PNKP: variants seen among roughly 807,000 people sequenced by gnomAD.
PNKP encodes the protein polynucleotide kinase 3'-phosphatase.
PNKP carries 82 observed loss-of-function variants against 66.2 expected under a neutral mutation model. The ratio of observed to expected loss-of-function variants is 1.24; its 90% CI spans 1.04 to 1.49. PNKP has a LOEUF of 1.49. PNKP is among the 40% of genes most tolerant of loss of function. PNKP has a pLI of 0.00. For missense variants in PNKP, 907 were observed against 706.8 expected, an observed-to-expected ratio of 1.28 and a Z score of -3.21; for synonymous variants, 412 against 298.9, an observed-to-expected ratio of 1.38 and a Z score of -3.90.
In PNKP at chr19:49,865,379, C is replaced by T. The variant is rs200249826; in HGVS notation, c.246G>A (p.Gly82=). ...CCCCCACCCCCAGAGAGCCCTCCAACCCCGGCTTCAACTCCTGGGTCCCGG... is the reference window on the plus strand; with the variant it reads ...CCCCCACCCCCAGAGAGCCCTCCAATCCCGGCTTCAACTCCTGGGTCCCGG... The part of the protein sequence containing the change: ...STTGTQELKP[G]LEGSLGVGDT... The change falls in exon 4 of 17, where the codon GGG becomes GGA. Residue 82 remains glycine, a synonymous_variant. Coordinates refer to ENST00000322344, the MANE Select transcript of PNKP (RefSeq NM_007254.4). The T allele has an allele frequency of 6.2e-7, 1 of 1,613,168 alleles. No individual in the cohort carries two copies. Among genetic ancestry groups the T allele is most frequent in the East Asian group, 2.2e-5 (1 of 44,856 alleles).
Position 49,861,777 on chromosome 19 carries a change from G to GCGGCTC in PNKP, c.1287_1292dup (p.Ser430_Arg431dup), listed in dbSNP as rs1568659024. On this transcript the variant is annotated inframe_insertion, in exon 14 of 17. Transcript: ENST00000322344. ...CGGCCCCGCGGTCACGCTACCTGGCGCGGCTCGCGGCGTCTGGGTTTGTGT... is the reference window on the plus strand; with the variant it reads ...CGGCCCCGCGGTCACGCTACCTGGCGCGGCTCCGGCTCGCGGCGTCTGGGTTTGTGT... 1 of 1,562,410 alleles carries GCGGCTC rather than the reference G, an allele frequency of 6.4e-7. No homozygotes were observed. The highest frequency in any genetic ancestry group is 1.2e-5 in the South Asian group (1 of 85,382).
rs915494284 is a variant in PNKP, at chr19:49,867,528, C to A, written c.-73G>T. Reference sequence around the variant, plus strand: ...ACCAGGGAGGTCCTGCCCGAGGTGCCCCGCCTGCAACCCGGCCGGCGGCGG... The same window carrying A: ...ACCAGGGAGGTCCTGCCCGAGGTGCACCGCCTGCAACCCGGCCGGCGGCGG... On this transcript the variant is annotated 5_prime_UTR_variant, in exon 1 of 17. Transcript: ENST00000322344. 58 of 340,546 alleles carry A rather than the reference C, an allele frequency of 1.7e-4. No homozygotes were observed. The highest frequency in any genetic ancestry group is 1.3e-3 in the African/African-American group (56 of 41,860). 21.1% of individuals were successfully genotyped at this position (340,546 alleles called of 1,614,324 possible). A position where few individuals can be genotyped will look rare whatever the true frequency, so the allele number is the denominator to read the frequency against.
rs531793511 is a variant in PNKP, at chr19:49,864,529, C to G, written c.499-126G>C. The G allele has an allele frequency of 1.0e-4, 78 of 778,206 alleles. No homozygotes were observed. The East Asian group carries it at 1.9e-3, about 19-fold the overall frequency. The allele number at this position is 778,206 out of a possible 1,614,324, so 48.2% of individuals were successfully genotyped here. On this transcript the variant is annotated intron_variant, in intron 4 of 16. Coordinates refer to ENST00000322344, the MANE Select transcript of PNKP (RefSeq NM_007254.4). ...ACTGCCATCTCACAGATGGGGAAAC[C>G]GAGTCACAGAGCACCTCCATCTCAA...
At chr19:49,864,621 C>T (rs770236165) in intron 4 of PNKP, among the ~76,000 whole-genome samples, 6 of 152,172 alleles carry the variant, frequency 3.9e-5, no homozygotes, top group Middle Eastern at 3.2e-3. Flanking sequence ...CTCCTTATGA[C>T]GCCAGCCCCA....
intron 3 of PNKP, 59 bp downstream of exon 3, chr19:49,866,340 G>C: frequency 1.3e-6 from 2 of 1,494,310 alleles, no homozygotes; most frequent in Non-Finnish European, 1.9e-6. Flanking sequence ...CTGACGGCTT[G>C]CAATTCCTCC....
At position 49,864,422 on chromosome 19, in the gene PNKP, G is replaced by GGTGACACCAAGGAA. The variant is rs758697522; in HGVS notation, c.499-20_499-19insTTCCTTGGTGTCAC. The GGTGACACCAAGGAA allele has an allele frequency of 5.7e-6, 9 of 1,590,872 alleles. No homozygotes were observed. In the South Asian group the frequency reaches 9.9e-5, roughly 18 times the overall value. On this transcript the variant is annotated intron_variant, in intron 4 of 16. Coordinates refer to ENST00000322344, the MANE Select transcript of PNKP (RefSeq NM_007254.4). ...CAGCCACCTGGTGTCACCAAGGAAAGACAAACAGCAGCACTGTGATACCTC... is the reference window on the plus strand; with the variant it reads ...CAGCCACCTGGTGTCACCAAGGAAAGGTGACACCAAGGAAACAAACAGCAGCACTGTGATACCTC...
In PNKP at chr19:49,861,780, GCT is replaced by G; in HGVS notation, c.1288_1289del (p.Ser430ProfsTer63). On this transcript the variant is annotated frameshift_variant, in exon 14 of 17. Coordinates refer to ENST00000322344, the MANE Select transcript of PNKP (RefSeq NM_007254.4). LOFTEE classifies it high-confidence loss of function. ...CCCCGCGGTCACGCTACCTGGCGCGGCTCGCGGCGTCTGGGTTTGTGTTGTCG... is the reference window on the plus strand; with the variant it reads ...CCCCGCGGTCACGCTACCTGGCGCGGCGCGGCGTCTGGGTTTGTGTTGTCG... ...AIDNTNPDAA[S>X]RARYVQCARA... 6.4e-7 allele frequency: 1 copy of G among 1,564,216 alleles called. No homozygotes were observed. Among genetic ancestry groups the G allele is most frequent in the Non-Finnish European group, 8.6e-7 (1 of 1,157,172 alleles).
At chr19:49,864,268 CG>C in intron 5 of PNKP, 32 bp from the exon 6 acceptor site, 3 of 1,613,374 alleles carry the variant, frequency 1.9e-6, no homozygotes, top group Non-Finnish European at 2.5e-6. Flanking sequence ...AGGGGTGACC[CG>C]GGGCCAGAGG....
intron 16 of PNKP, 32 bp from the exon 17 acceptor site, chr19:49,861,397 T>C (rs762004302): frequency 1.2e-6 from 2 of 1,613,788 alleles, no homozygotes; most frequent in Admixed American, 1.7e-5. Flanking sequence ...AGGGACAGCC[T>C]GGATCATGTG....
rs760583725 is a variant in PNKP, at chr19:49,862,191, G to A, written c.1120C>T (p.Pro374Ser). 5.3e-5 allele frequency: 85 copies of A among 1,613,752 alleles called. No homozygotes were observed. Among genetic ancestry groups the A allele is most frequent in the Non-Finnish European group, 6.9e-5 (81 of 1,179,870 alleles). Residue 374 changes from proline to serine, a missense_variant, in exon 12 of 17, where the codon CCT becomes TCT. Transcript: ENST00000322344. ...ACAGGAACAGGACACTTACCCCCAGGGAATCCCACTGCGACAACCACCTCC... is the reference window on the plus strand; with the variant it reads ...ACAGGAACAGGACACTTACCCCCAGAGAATCCCACTGCGACAACCACCTCC... ...SPEVVVAVGF[P>S]GAGKSTFLKK...
rs1020456127 is a variant in PNKP at position 49,862,071 on chromosome 19, C to T, written c.1161G>A (p.Val387=). The T allele has an allele frequency of 6.2e-7, 1 of 1,614,038 alleles. No homozygotes were observed. The highest frequency in any genetic ancestry group is 1.3e-5 in the African/African-American group (1 of 74,904). ...GKSTFLKKHL[V]SAGYVHVNRD... ...TGTTCACGTGGACATATCCGGCCGA[C>T]ACGAGGTGCTTCTTGAGAAAGGTGG... The change falls in exon 13 of 17, where the codon GTG becomes GTA. Residue 387 remains valine, a synonymous_variant. Coordinates refer to ENST00000322344, the MANE Select transcript of PNKP (RefSeq NM_007254.4).
intron 7 of PNKP, 30 bp downstream of exon 7, chr19:49,863,934 C>G (rs1347618121): frequency 9.0e-6 from 14 of 1,559,704 alleles, no homozygotes; most frequent in Non-Finnish European, 1.1e-5. Flanking sequence ...TGTGCCCCCA[C>G]ATAGCTCCCA....
In PNKP at chr19:49,862,248, G is replaced by T. The variant is rs1342878002; in HGVS notation, c.1063C>A (p.Pro355Thr). The T allele has an allele frequency of 6.2e-7, 1 of 1,609,640 alleles. No individual in the cohort carries two copies. Among genetic ancestry groups the T allele is most frequent in the South Asian group, 1.1e-5 (1 of 90,304 alleles). ...TVSRSGPLCLPESRALLSASP... is the reference protein window; with the variant it reads ...TVSRSGPLCLTESRALLSASP... ...GCGCTCAGGAGGGCCCTGGACTCGG[G>T]GAGGCAGAGAGGCCCTGAGCGGGAG... Residue 355 changes from proline to threonine, a missense_variant, in exon 12 of 17, where the codon CCC (proline) becomes ACC (threonine). Coordinates refer to ENST00000322344, the MANE Select transcript of PNKP (RefSeq NM_007254.4).
At chr19:49,865,839 C>G (rs908784495) in intron 3 of PNKP, 11 of 236,584 alleles carry the variant, frequency 4.6e-5, no homozygotes, top group African/African-American at 1.2e-4. Context: ...GTCACAAACT[C>G]CTGATCTCGG....
intron 8 of PNKP, among the ~76,000 whole-genome samples, chr19:49,862,974 C>T (rs1371523834): frequency 2.6e-5 from 4 of 152,052 alleles, no homozygotes; most frequent in Admixed American, 2.6e-4. Context: ...CCGTTCCCCA[C>T]GCGGCCACCG....
In PNKP at chr19:49,861,785, C is replaced by G. The variant is rs148386689; in HGVS notation, c.1285G>C (p.Ala429Pro). The change falls in exon 14 of 17, where the codon GCG (alanine) becomes CCG (proline). Residue 429 changes from alanine to proline, a missense_variant. By Grantham distance (27) the Ala-to-Pro change is conservative. Coordinates refer to ENST00000322344, the MANE Select transcript of PNKP (RefSeq NM_007254.4). ...VAIDNTNPDA[A>P]SRARYVQCAR... ...CGGTCACGCTACCTGGCGCGGCTCG[C>G]GGCGTCTGGGTTTGTGTTGTCGATG... is the stretch of plus-strand genomic sequence containing the variant. 2.6e-5 allele frequency: 40 copies of G among 1,566,094 alleles called. No individual in the cohort carries two copies. Among genetic ancestry groups the G allele is most frequent in the Middle Eastern group, 1.7e-4 (1 of 6,010 alleles).
rs770945673 is a variant in PNKP at position 49,861,208 on chromosome 19, G to C, written c.*40C>G. ...CCAGCAAAATGCCGGCCAAGCTCAA[G>C]GAGAAACAGCGTTTATTGTGGAGGG... is the stretch of plus-strand genomic sequence containing the variant. On this transcript the variant is annotated 3_prime_UTR_variant, in exon 17 of 17. Transcript: ENST00000322344. 3 of 1,398,304 alleles carry C rather than the reference G, an allele frequency of 2.1e-6. No individual in the cohort carries two copies. The highest frequency in any genetic ancestry group is 3.0e-6 in the Non-Finnish European group (3 of 984,554). The allele number at this position is 1,398,304 out of a possible 1,614,324, so 86.6% of individuals were successfully genotyped here. A position where few individuals can be genotyped will look rare whatever the true frequency, so the allele number is the denominator to read the frequency against.
In PNKP at chr19:49,861,882, C is replaced by A; in HGVS notation, c.1189-1G>T. On this transcript the variant is annotated splice_acceptor_variant, in intron 13 of 16. Transcript: ENST00000322344. LOFTEE classifies it high-confidence loss of function. ...AGCGCTGCCAGGAGCCTAGCGTGTC[C>A]TGGGGACACGAGAGGTCACAAACAG... The A allele has an allele frequency of 6.3e-7, 1 of 1,588,334 alleles. No homozygotes were observed. The highest frequency in any genetic ancestry group is 2.3e-5 in the East Asian group (1 of 43,656).
chr19:49,863,402 C>T (rs2074794415), intron 8 of PNKP, among the ~76,000 whole-genome samples: 1 of 152,238 alleles, frequency 6.6e-6, no homozygotes, highest in Non-Finnish European at 1.5e-5. Flanking sequence ...CTGGAGCAGG[C>T]CGTCCCGCTC....
Sources: gnomAD v4.1 joint callset for allele counts (sites outside exome capture counted in the v4.1 genomes callset) on GRCh38, gnomAD v4.1.1 for gene constraint, MANE v1.5 for transcripts, NCBI Gene and HGNC (gene_info 2026-07-23, HGNC 2026-07-21) for gene names.